ADA2: variants seen among roughly 807,000 people sequenced by gnomAD.
ADA2 encodes the protein adenosine deaminase 2.
In ADA2, 29 loss-of-function variants were observed where a neutral mutation model predicts 44.2. That is an observed-to-expected ratio of 0.66 (90% CI 0.49 to 0.89). ADA2 has a LOEUF of 0.89. Ranked by LOEUF, ADA2 falls within the 40% of genes least tolerant of loss-of-function variation. The probability of loss-of-function intolerance (pLI) is 0.00; values close to 1 mark genes in which losing one functional copy is unlikely to be tolerated. For missense variants in ADA2, 637 were observed against 644.8 expected, an observed-to-expected ratio of 0.99 and a Z score of 0.13; for synonymous variants, 215 against 234.9, an observed-to-expected ratio of 0.92 and a Z score of 0.77.
chr22:17,214,105 C>A, intron 1 of ADA2: 2 of 680,894 alleles, frequency 2.9e-6, no homozygotes, highest in Non-Finnish European at 5.4e-6. Context: ...CTTCAACAGA[C>A]ACCTGGACAC....
chr22:17,216,767 A>ACAC (rs781086314), intron 1 of ADA2, among the ~76,000 whole-genome samples: 27 of 103,426 alleles, frequency 2.6e-4, no homozygotes, highest in South Asian at 2.0e-3. Flanking sequence ...TCAAAAAAAA[A>ACAC]AAAAACACAC....
At chr22:17,195,649 T>C (rs1312601071) in intron 4 of ADA2, among the ~76,000 whole-genome samples, 1 of 152,124 alleles carries the variant, frequency 6.6e-6, no homozygotes, top group Non-Finnish European at 1.5e-5. Flanking sequence ...TTCACTCTTA[T>C]TCTCTCATGG....
rs1403176474 is a variant in ADA2 at position 17,179,970 on chromosome 22, A to G, written c.*1513T>C. On this transcript the variant is annotated 3_prime_UTR_variant, in exon 10 of 10. Coordinates refer to ENST00000399837, the MANE Select transcript of ADA2 (RefSeq NM_001282225.2). ...CATAGTGAAACCCCATCTCTACTAA[A>G]AATACAAAAATTATCCGGGCATGGT... 2.6e-5 allele frequency: 4 copies of G among 152,108 alleles called. No individual in the cohort carries two copies. Among genetic ancestry groups the G allele is most frequent in the Non-Finnish European group, 5.9e-5 (4 of 68,026 alleles). 9.4% of individuals were successfully genotyped at this position (152,108 alleles called of 1,614,324 possible). A position where few individuals can be genotyped will look rare whatever the true frequency, so the allele number is the denominator to read the frequency against.
chr22:17,209,314 C>G, intron 2 of ADA2, 42 bp downstream of exon 2: 1 of 1,542,408 alleles, frequency 6.5e-7, no homozygotes, highest in Non-Finnish European at 8.9e-7. Context: ...ATGAGTCCCT[C>G]TACCTTCCCA....
intron 5 of ADA2, 70 bp downstream of exon 5, chr22:17,191,613 C>G (rs2062115536): frequency 6.4e-7 from 1 of 1,557,168 alleles, no homozygotes; most frequent in Non-Finnish European, 8.8e-7. Context: ...CACCCCTCCC[C>G]TCCCAGCCTA....
chr22:17,188,868 A>AAAAAAAAAAAAAAAAATATATATATATAT, intron 6 of ADA2: 1 of 81,128 alleles, frequency 1.2e-5, no homozygotes. Flanking sequence ...AAGAGCAAAA[A>AAAAAAAAAAAAAAAAATATATATATATAT]ATATATATAT....
chr22:17,189,019 C>CTT (rs71200243), intron 6 of ADA2, among the ~76,000 whole-genome samples: 3 of 102,920 alleles, frequency 2.9e-5, no homozygotes, highest in Admixed American at 1.0e-4. Context: ...AATCTAGATT[C>CTT]TTTTTTTTTT....
At position 17,190,142 on chromosome 22, in the gene ADA2, G is replaced by A. The variant is rs1225812001; in HGVS notation, c.882-110C>T. ...GGCCAGCCCCAAGTGTGCAGGTCCC[G>A]TTTCCCAAACCTGAGGCACCCCTGC... On this transcript the variant is annotated intron_variant, in intron 5 of 9. Coordinates refer to ENST00000399837, the MANE Select transcript of ADA2 (RefSeq NM_001282225.2). 6 of 846,112 alleles carry A rather than the reference G, an allele frequency of 7.1e-6. No homozygotes were observed. The East Asian group carries it at 7.5e-5, about 11-fold the overall frequency. 52.4% of individuals were successfully genotyped at this position (846,112 alleles called of 1,614,324 possible).
At chr22:17,183,535 A>T (rs1160160637) in intron 7 of ADA2, among the ~76,000 whole-genome samples, 2 of 132,754 alleles carry the variant, frequency 1.5e-5, no homozygotes, top group East Asian at 4.3e-4. Context: ...ATCTTGGCTC[A>T]CTGCAACCTC....
upstream of ADA2, among the ~76,000 whole-genome samples, chr22:17,220,326 C>A (rs2062514153): frequency 6.6e-6 from 1 of 152,078 alleles, no homozygotes; most frequent in Non-Finnish European, 1.5e-5. Flanking sequence ...AGACAAGGCT[C>A]CTGTACCCAG....
chr22:17,185,319 G>C (rs2062023811), intron 7 of ADA2, among the ~76,000 whole-genome samples: 1 of 151,870 alleles, frequency 6.6e-6, no homozygotes, highest in Admixed American at 6.6e-5. Context: ...GGGAGGCTGA[G>C]GCAGGAGAAT....
chr22:17,209,632 G>A lies in ADA2; in HGVS notation c.46C>T (p.Leu16=), dbSNP rs367610393. The A allele has an allele frequency of 2.6e-5, 42 of 1,613,990 alleles. No individual in the cohort carries two copies. The African/African-American group carries it at 4.9e-4, about 19-fold the overall frequency. ...AAGAAAGACATTGCCACAGCCAACA[G>A]CAAGAAGCACAGGGCTGGCCGCTCA... ...PSERPALCFL[L]LAVAMSFFGS... The change falls in exon 2 of 10, where the codon CTG becomes TTG. Residue 16 remains leucine (L), a synonymous_variant. Transcript: ENST00000399837.
chr22:17,192,274 C>A, intron 4 of ADA2, among the ~76,000 whole-genome samples: 1 of 152,076 alleles, frequency 6.6e-6, no homozygotes, highest in East Asian at 1.9e-4. Flanking sequence ...TAAAACAGCA[C>A]ATGGCACACG....
intron 9 of ADA2, 27 bp from the exon 10 acceptor site, chr22:17,181,603 A>C (rs778410575): frequency 5.3e-6 from 8 of 1,512,998 alleles, no homozygotes; most frequent in Non-Finnish European, 7.3e-6. Context: ...AGCCCAGGTC[A>C]GCCTCAGGGC....
chr22:17,181,884 T>G lies in ADA2; in HGVS notation c.1378A>C (p.Met460Leu). The G allele has an allele frequency of 6.2e-7, 1 of 1,614,150 alleles. No homozygotes were observed. Among genetic ancestry groups the G allele is most frequent in the Non-Finnish European group, 8.5e-7 (1 of 1,180,016 alleles). Residue 460 changes from methionine (M) to leucine (L), a missense_variant, in exon 9 of 10, where the codon ATG becomes CTG. By Grantham distance (15) the Met-to-Leu change is conservative. Transcript: ENST00000399837. ...TCAGCCTTCATCCCCCCAATGCCCA[T>G]GAAGACCTCATAGAAATCATAGGAC... ...GLSYDFYEVF[M>L]GIGGMKADLR...
chr22:17,199,537 G>T (rs2123687222), intron 4 of ADA2: 1 of 1,602,288 alleles, frequency 6.2e-7, no homozygotes, highest in Non-Finnish European at 8.5e-7. Context: ...CCAACAGGAA[G>T]TTCTCCCCTA....
chr22:17,212,934 G>A (rs958350778), intron 1 of ADA2, among the ~76,000 whole-genome samples: 13 of 147,714 alleles, frequency 8.8e-5, no homozygotes, highest in Admixed American at 4.1e-4. Flanking sequence ...GTAGCTGAGT[G>A]TAGTACCACT....
intron 1 of ADA2, among the ~76,000 whole-genome samples, chr22:17,210,060 T>G (rs2062402641): frequency 6.7e-6 from 1 of 149,716 alleles, no homozygotes; most frequent in Non-Finnish European, 1.5e-5. Flanking sequence ...CCGGCTAATT[T>G]TTTGTATTTT....
chr22:17,191,869 C>CCCAGCCACCCCTGCCCAGCCACCCCTGG (rs544545432), intron 4 of ADA2, 59 bp from the exon 5 acceptor site: 5 of 1,541,842 alleles, frequency 3.2e-6, no homozygotes, highest in Non-Finnish European at 3.5e-6. Context: ...CCACCCCCTT[C>CCCAGCCACCCCTGCCCAGCCACCCCTGG]CCAGCCACCC....
Sources: gnomAD v4.1 joint callset for allele counts (sites outside exome capture counted in the v4.1 genomes callset) on GRCh38, gnomAD v4.1.1 for gene constraint, MANE v1.5 for transcripts, NCBI Gene and HGNC (gene_info 2026-07-23, HGNC 2026-07-21) for gene names.